The following NRAP variants were observed in gnomAD, a reference collection of about 807,000 sequenced individuals.
NRAP encodes nebulin related anchoring protein, also known as nebulin-related-anchoring protein.
In NRAP, 189 loss-of-function variants were observed where a neutral mutation model predicts 225.9. The ratio of observed to expected loss-of-function variants is 0.84; its 90% CI spans 0.74 to 0.94. The LOEUF (loss-of-function observed/expected upper bound fraction) is 0.94. NRAP is among the 40% of genes least tolerant of loss of function. NRAP has a pLI of 0.00. For missense variants in NRAP, 2,176 were observed against 2,168.7 expected (o/e 1.00, Z -0.07); for synonymous variants, 769 against 790.7 (o/e 0.97, Z 0.46).
chr10:113,614,910 C>T lies in NRAP; in HGVS notation c.3115G>A (p.Gly1039Ser), dbSNP rs746252724. The change falls in exon 28 of 42, where the codon GGT becomes AGT. Residue 1039 changes from glycine to serine, a missense_variant. By Grantham distance (56) the Gly-to-Ser change is moderately conservative (BLOSUM62 0). Coordinates refer to ENST00000359988, the MANE Select transcript of NRAP (RefSeq NM_198060.4). ...YKESWSKLRD[G>S]GYKLRLDALP... ...GCATCCAACCTCAGTTTATAGCCAC[C>T]ATCTCGAAGTTTGCTCCAGGATTCC... 67 of 1,613,114 alleles carry T rather than the reference C, an allele frequency of 4.2e-5. No homozygotes were observed. Among genetic ancestry groups the T allele is most frequent in the South Asian group, 5.5e-5 (5 of 91,070 alleles).
intron 3 of NRAP, among the ~76,000 whole-genome samples, chr10:113,658,221 T>C (rs1202415349): frequency 6.6e-6 from 1 of 152,230 alleles, no homozygotes; most frequent in African/African-American, 2.4e-5. Flanking sequence ...TTCTCTCTTC[T>C]TGTGCCAATT....
At chr10:113,628,501 T>A (rs1479489646) in intron 20 of NRAP, among the ~76,000 whole-genome samples, 1 of 152,142 alleles carries the variant, frequency 6.6e-6, no homozygotes, top group Admixed American at 6.6e-5. Context: ...GGAAAGAGGA[T>A]CAGGAAGGTT....
rs3121453 is a variant in NRAP at position 113,614,911 on chromosome 10, A to G, written c.3114T>C (p.Asp1038=). The stretch of plus-strand genomic sequence containing the variant: ...CATCCAACCTCAGTTTATAGCCACC[A>G]TCTCGAAGTTTGCTCCAGGATTCCT... ...RYKESWSKLR[D]GGYKLRLDAL... is the part of the protein sequence containing the mutation. The change falls in exon 28 of 42, where the codon GAT becomes GAC. Residue 1038 remains aspartate, a synonymous_variant. Coordinates refer to ENST00000359988, the MANE Select transcript of NRAP (RefSeq NM_198060.4). 0.21 allele frequency: 340,853 copies of G among 1,609,318 alleles called. 38,462 individuals carry two copies. Among genetic ancestry groups the G allele is most frequent in the Non-Finnish European group, 0.23 (273,869 of 1,175,674 alleles).
rs144372497 is a variant in NRAP at position 113,622,832 on chromosome 10, CAACT to C, written c.2458-656_2458-653del. ...CCAGTGCCGATTTGTAAAATGTTAC[CAACT>C]AAGAACAAGATAAAGAGCTTATGTC... On this transcript the variant is annotated intron_variant, in intron 23 of 41. Coordinates refer to ENST00000359988, the MANE Select transcript of NRAP (RefSeq NM_198060.4). Among the ~76,000 whole-genome samples the C allele has an allele frequency of 7.0e-3, 1,067 of 152,280 alleles. 13 individuals carry two copies. The highest frequency in any genetic ancestry group is 0.024 in the African/African-American group (1,017 of 41,560).
At chr10:113,622,895 G>A (rs953747227) in intron 23 of NRAP, among the ~76,000 whole-genome samples, 3 of 152,214 alleles carry the variant, frequency 2.0e-5, no homozygotes, top group East Asian at 1.9e-4. Flanking sequence ...CAAGCCAGTT[G>A]TTTTTGGTTC....
intron 3 of NRAP, 106 bp from the exon 4 acceptor site, chr10:113,657,680 C>T: frequency 1.4e-6 from 1 of 713,160 alleles, no homozygotes; most frequent in Non-Finnish European, 2.5e-6. Context: ...GTCTCAACTG[C>T]AAAGCATCTT....
At chr10:113,616,859 TC>T (rs756749723) in intron 26 of NRAP, among the ~76,000 whole-genome samples, 15 of 152,174 alleles carry the variant, frequency 9.9e-5, no homozygotes, top group Non-Finnish European at 1.8e-4. Context: ...GTGTTTTTTT[TC>T]AGCACCTCAT....
intron 9 of NRAP, among the ~76,000 whole-genome samples, chr10:113,649,417 A>G (rs1564754896): frequency 6.6e-6 from 1 of 152,268 alleles, no homozygotes; most frequent in Non-Finnish European, 1.5e-5. Context: ...AACTGTGAAC[A>G]ATAATGCTTC....
intron 25 of NRAP, among the ~76,000 whole-genome samples, chr10:113,619,250 G>A (rs1305119790): frequency 6.6e-6 from 1 of 152,192 alleles, no homozygotes; most frequent in African/African-American, 2.4e-5. Flanking sequence ...ATGGTCTTTA[G>A]TCTTCATTTC....
In NRAP at chr10:113,626,093, C is replaced by T. The variant is rs1368051691; in HGVS notation, c.2198G>A (p.Ser733Asn). The change falls in exon 21 of 42, where the codon AGC becomes AAC. Residue 733 changes from serine to asparagine, a missense_variant. Transcript: ENST00000359988. ...CTTCTTGGCGTGCTCCATCTGGGAGCTGTCGGTCACGCTGGTGAACTTCAG... is the reference window on the plus strand; with the variant it reads ...CTTCTTGGCGTGCTCCATCTGGGAGTTGTCGGTCACGCTGGTGAACTTCAG... ...DELKFTSVTD[S>N]SQMEHAKKSQ... 6.2e-7 allele frequency: 1 copy of T among 1,612,346 alleles called. No homozygotes were observed. Among genetic ancestry groups the T allele is most frequent in the African/African-American group, 1.3e-5 (1 of 74,914 alleles).
Position 113,637,262 on chromosome 10 carries a change from C to T in NRAP, c.1428+2965G>A, listed in dbSNP as rs79190887. ...TCCTTCCCACCACCCTATGGTTAGGCACTATTATTATCCCTACCTTACAAT... is the reference window on the plus strand; with the variant it reads ...TCCTTCCCACCACCCTATGGTTAGGTACTATTATTATCCCTACCTTACAAT... On this transcript the variant is annotated intron_variant, in intron 14 of 41. Transcript: ENST00000359988. 6.7e-3 allele frequency among the ~76,000 whole-genome samples: 1,016 copies of T among 152,272 alleles called. 12 individuals carry two copies. Among genetic ancestry groups the T allele is most frequent in the African/African-American group, 0.023 (970 of 41,532 alleles).
In NRAP at chr10:113,614,964, A is replaced by C. The variant is rs372072290; in HGVS notation, c.3079-18T>G. On this transcript the variant is annotated intron_variant, in intron 27 of 41. Transcript: ENST00000359988. ...TAACGCGTCTGTCGGGAAGATGTGC[A>C]CAAGGAAAGACCTTTAAGTGACCTG... The C allele has an allele frequency of 1.6e-5, 23 of 1,418,374 alleles. 2 individuals carry two copies. In the African/African-American group the frequency reaches 1.8e-4, roughly 11 times the overall value. The allele number at this position is 1,418,374 out of a possible 1,614,324, so 87.9% of individuals were successfully genotyped here.
At chr10:113,631,712 C>T in intron 17 of NRAP, 102 bp from the exon 18 acceptor site, 1 of 904,054 alleles carries the variant, frequency 1.1e-6, no homozygotes, top group South Asian at 1.5e-5. Flanking sequence ...TGAAAAAACA[C>T]CTCCCAGTCT....
intron 40 of NRAP, among the ~76,000 whole-genome samples, 172 bp downstream of exon 40, chr10:113,590,406 G>T (rs1009760176): frequency 6.6e-6 from 1 of 152,184 alleles, no homozygotes; most frequent in East Asian, 1.9e-4. Context: ...GGAGACACTC[G>T]AGAAGTGGTG....
rs1848577687 is a variant in NRAP, at chr10:113,631,510, T to C, written c.1841A>G (p.Glu614Gly). ...GTTGGGGGTTAGAAAAGAGTTTACC[T>C]CACTGCTCATCTTAGCAATCTGCAG... The part of the protein sequence containing the change: ...HSLQIAKMSS[E>G]VEYKKGFEES... Residue 614 changes from glutamate (E) to glycine (G), a missense_variant and splice_region_variant, in exon 18 of 42, where the codon GAG becomes GGG. By Grantham distance (98) the Glu-to-Gly change is moderately conservative (BLOSUM62 -2). Transcript: ENST00000359988. 1 of 1,590,714 alleles carries C rather than the reference T, an allele frequency of 6.3e-7. No individual in the cohort carries two copies. The highest frequency in any genetic ancestry group is 1.8e-5 in the Admixed American group (1 of 56,522).
chr10:113,633,254 A>ATAAAAACTATG, intron 15 of NRAP, 66 bp from the exon 16 acceptor site: 2 of 899,222 alleles, frequency 2.2e-6, no homozygotes, highest in Non-Finnish European at 3.7e-6. Flanking sequence ...AGGGACCCAT[A>ATAAAAACTATG]GCTCTTTCCC....
At chr10:113,598,634 A>G (rs1389794394) in intron 35 of NRAP, among the ~76,000 whole-genome samples, 3 of 152,148 alleles carry the variant, frequency 2.0e-5, no homozygotes, top group Non-Finnish European at 4.4e-5. Flanking sequence ...TTTAAGTTAG[A>G]TTTTTTGTTC....
At position 113,614,280 on chromosome 10, in the gene NRAP, G is replaced by T. The variant is rs879113259; in HGVS notation, c.3203C>A (p.Ala1068Glu). The T allele has an allele frequency of 3.1e-6, 5 of 1,611,400 alleles. No individual in the cohort carries two copies. In the African/African-American group the frequency reaches 6.7e-5, roughly 22 times the overall value. The change falls in exon 29 of 42, where the codon GCA becomes GAA. Residue 1068 changes from alanine to glutamate, a missense_variant. Around this residue, in one of 3 missense-constraint regions of NRAP, gnomAD observed 1,708 missense variants for 1,695.5 expected, o/e 1.01. Transcript: ENST00000359988. ...EIISDYKYKEAFEKMKGQMLG... is the reference protein window; with the variant it reads ...EIISDYKYKEEFEKMKGQMLG... ...CATCTGTCCTTTCATTTTCTCAAAT[G>T]CCTCTTTGTATTTGTACTAAAGGGA...
rs911016723 is a variant in NRAP at position 113,646,997 on chromosome 10, C to T, written c.919G>A (p.Gly307Arg). 7 of 1,614,010 alleles carry T rather than the reference C, an allele frequency of 4.3e-6. No homozygotes were observed. The Middle Eastern group carries it at 5.0e-4, about 114-fold the overall frequency. ...GYPEEYEEHRGKGSFPAMITP... is the reference protein window; with the variant it reads ...GYPEEYEEHRRKGSFPAMITP... ...ATCATAGCTGGGAAGCTGCCCTTTC[C>T]CCTGTGCTCCTCATACTCCTCCGGG... Residue 307 changes from glycine (G) to arginine (R), a missense_variant, in exon 10 of 42, where the codon GGA becomes AGA. This residue lies in a region of NRAP where 1,708 missense variants were observed against 1,695.5 expected (regional missense o/e 1.01). Coordinates refer to ENST00000359988, the MANE Select transcript of NRAP (RefSeq NM_198060.4).
Sources: allele counts gnomAD v4.1 joint callset (sites outside exome capture counted in the v4.1 genomes callset), GRCh38; gene constraint gnomAD v4.1.1; regional missense constraint gnomAD v4.1.1; transcripts MANE v1.5; gene names NCBI Gene and HGNC (gene_info 2026-07-23, HGNC 2026-07-21).